Variants in CUX2 observed in about 807,000 individuals in gnomAD.
CUX2 encodes cut like homeobox 2.
CUX2 carries 40 observed loss-of-function variants against 144.8 expected under a neutral mutation model. The observed-to-expected ratio is 0.28, with a 90% CI of 0.21 to 0.36. The LOEUF (loss-of-function observed/expected upper bound fraction) is 0.36, where lower values mean the gene tolerates loss of function less well. Among genes scored for constraint, CUX2 ranks in the 10% least tolerant of loss-of-function variants. The probability of loss-of-function intolerance (pLI) is 1.00; values close to 1 mark genes in which losing one functional copy is unlikely to be tolerated. For missense variants in CUX2, 1,615 were observed against 1,994.0 expected (o/e 0.81, Z 3.62); for synonymous variants, 827 against 875.6 (o/e 0.94, Z 0.98).
At chr12:111,248,638 G>C (rs529932645) in intron 3 of CUX2, among the ~76,000 whole-genome samples, 6 of 152,266 alleles carry the variant, frequency 3.9e-5, no homozygotes, top group East Asian at 3.9e-4. Flanking sequence ...CAGGATAAAG[G>C]GGGTGTCGGT....
In CUX2 at chr12:111,320,575, G is replaced by A; in HGVS notation, c.2566G>A (p.Gly856Ser). ...CAGGACGGGCGAGCTCAAGGCTGAG[G>A]GCGCGACGGCCGAGGCGGGCGCGCG... ...PPRTGELKAEGATAEAGARLP... is the reference protein window; with the variant it reads ...PPRTGELKAESATAEAGARLP... Residue 856 changes from glycine (G) to serine (S), a missense_variant, in exon 17 of 22, where the codon GGC becomes AGC. Physicochemically the swap from Gly to Ser is moderately conservative, Grantham distance 56 (BLOSUM62 0). Around this residue, in one of 12 missense-constraint regions of CUX2, gnomAD observed 390 missense variants for 387.1 expected, o/e 1.01. Coordinates refer to ENST00000261726, the MANE Select transcript of CUX2 (RefSeq NM_015267.4). The surrounding 1 kb of genome is among the most constrained non-coding windows in gnomAD (Gnocchi z 8.1). 6.5e-7 allele frequency: 1 copy of A among 1,528,648 alleles called. No homozygotes were observed. Among genetic ancestry groups the A allele is most frequent in the Middle Eastern group, 1.9e-4 (1 of 5,394 alleles). 94.7% of individuals were successfully genotyped at this position (1,528,648 alleles called of 1,614,324 possible).
chr12:111,245,939 G>C (rs867685094), intron 3 of CUX2, among the ~76,000 whole-genome samples: 20 of 152,124 alleles, frequency 1.3e-4, no homozygotes, highest in African/African-American at 4.3e-4. Flanking sequence ...GGAGGCGTGG[G>C]GACTGGGGCA....
In CUX2 at chr12:111,304,125, C is replaced by A; in HGVS notation, c.754-85C>A. 3 of 1,167,766 alleles carry A rather than the reference C, an allele frequency of 2.6e-6. No homozygotes were observed. The highest frequency in any genetic ancestry group is 3.7e-6 in the Non-Finnish European group (3 of 805,620). 72.3% of individuals were successfully genotyped at this position (1,167,766 alleles called of 1,614,324 possible). A position where few individuals can be genotyped will look rare whatever the true frequency, so the allele number is the denominator to read the frequency against. ...CTGAGGCCCTCGGAGGTCTGCCTCC[C>A]CAACCCCTGCCTGAAACAGTGCAGG... On this transcript the variant is annotated intron_variant, in intron 9 of 21. Coordinates refer to ENST00000261726, the MANE Select transcript of CUX2 (RefSeq NM_015267.4). The surrounding 1 kb of genome is among the most constrained non-coding windows in gnomAD (Gnocchi z 4.7).
rs7312008 is a variant in CUX2 at position 111,116,584 on chromosome 12, G to A, written c.63+82344G>A. Among the ~76,000 whole-genome samples, 701 of 152,268 alleles carry A rather than the reference G, an allele frequency of 4.6e-3. 4 individuals are homozygous for A. The highest frequency in any genetic ancestry group is 0.016 in the African/African-American group (652 of 41,546). On this transcript the variant is annotated intron_variant, in intron 1 of 21. Coordinates refer to ENST00000261726, the MANE Select transcript of CUX2 (RefSeq NM_015267.4). ...AGTGTGATTGTTGGGACAAGTTCCC[G>A]AGGCATATTACAGGATGTTGGTGAT...
chr12:111,173,876 C>T (rs1268134682), intron 1 of CUX2, among the ~76,000 whole-genome samples: 1 of 152,134 alleles, frequency 6.6e-6, no homozygotes, highest in Non-Finnish European at 1.5e-5. Context: ...TCCTGCTGGG[C>T]CAGAGACTTT....
chr12:111,053,186 T>TG (rs940197204), intron 1 of CUX2, among the ~76,000 whole-genome samples: 1 of 152,212 alleles, frequency 6.6e-6, no homozygotes, highest in African/African-American at 2.4e-5. Context: ...CGCCTGTACA[T>TG]GCAGGGCCCA....
At chr12:111,151,370 T>C (rs985313214) in intron 1 of CUX2, among the ~76,000 whole-genome samples, 8 of 152,202 alleles carry the variant, frequency 5.3e-5, no homozygotes, top group African/African-American at 1.9e-4. Flanking sequence ...GAAGGTAATG[T>C]TTTATAATGT....
chr12:111,301,021 A>G (rs1398047001), intron 9 of CUX2, among the ~76,000 whole-genome samples: 1 of 146,496 alleles, frequency 6.8e-6, no homozygotes, highest in Admixed American at 6.8e-5. Context: ...CCTGGACAAC[A>G]GAGTGAGACC....
At chr12:111,229,947 G>A (rs1363630224) in intron 3 of CUX2, among the ~76,000 whole-genome samples, 2 of 151,200 alleles carry the variant, frequency 1.3e-5, no homozygotes, top group African/African-American at 2.4e-5. Context: ...CCAGGAGGTC[G>A]AGGCTGCAGT....
At position 111,348,329 on chromosome 12, in the gene CUX2, C is replaced by G; in HGVS notation, c.*4C>G. ...GGCCCTGGAGTGGGAGTTCTGAAGG[C>G]AGGGTGAGGGGGCAAGGGACATACC... On this transcript the variant is annotated 3_prime_UTR_variant, in exon 22 of 22. Transcript: ENST00000261726. 6.2e-7 allele frequency: 1 copy of G among 1,606,036 alleles called. No homozygotes were observed. Among genetic ancestry groups the G allele is most frequent in the South Asian group, 1.1e-5 (1 of 90,338 alleles).
chr12:111,110,539 T>C (rs182475421), intron 1 of CUX2, among the ~76,000 whole-genome samples: 20 of 152,362 alleles, frequency 1.3e-4, no homozygotes, highest in African/African-American at 4.3e-4. Context: ...TCACATTTCA[T>C]TTTTATATGC....
At position 111,263,618 on chromosome 12, in the gene CUX2, C is replaced by G; in HGVS notation, c.223-143C>G. On this transcript the variant is annotated intron_variant, in intron 3 of 21. Transcript: ENST00000261726. This position sits in a 1 kb window ranked among gnomAD's most constrained non-coding sequence, Gnocchi z 4.0. ...CCAGCCTGGGCGACAGAGCAAGACT[C>G]TCTCTCAAAAACAAAACAAAACAAA... 6.9e-6 allele frequency: 5 copies of G among 722,020 alleles called. No homozygotes were observed. Among genetic ancestry groups the G allele is most frequent in the East Asian group, 2.5e-5 (1 of 39,820 alleles). The allele number at this position is 722,020 out of a possible 1,614,324, so 44.7% of individuals were successfully genotyped here. A position where few individuals can be genotyped will look rare whatever the true frequency, so the allele number is the denominator to read the frequency against.
At chr12:111,241,929 A>G (rs1374125033) in intron 3 of CUX2, among the ~76,000 whole-genome samples, 1 of 152,370 alleles carries the variant, frequency 6.6e-6, no homozygotes, top group East Asian at 1.9e-4. Context: ...TCCTCTTTCA[A>G]TGTACAAGAT....
At chr12:111,094,190 A>G (rs1872692402) in intron 1 of CUX2, among the ~76,000 whole-genome samples, 1 of 152,222 alleles carries the variant, frequency 6.6e-6, no homozygotes, top group South Asian at 2.1e-4. Context: ...AAAACGAGGT[A>G]TTTGAAGCTA....
At chr12:111,268,359 G>A (rs1219543775) in intron 4 of CUX2, among the ~76,000 whole-genome samples, 3 of 152,088 alleles carry the variant, frequency 2.0e-5, no homozygotes, top group African/African-American at 7.2e-5. Context: ...CGAATGGCTG[G>A]GTCTGCAGGT....
At position 111,307,267 on chromosome 12, in the gene CUX2, G is replaced by C; in HGVS notation, c.1109+10G>C. 1 of 1,613,624 alleles carries C rather than the reference G, an allele frequency of 6.2e-7. No individual in the cohort carries two copies. Among genetic ancestry groups the C allele is most frequent in the Non-Finnish European group, 8.5e-7 (1 of 1,179,812 alleles). On this transcript the variant is annotated intron_variant, in intron 12 of 21. Transcript: ENST00000261726. This position sits in a 1 kb window ranked among gnomAD's most constrained non-coding sequence, Gnocchi z 4.1. ...TTAAAACGGAGCTGAGGTACCATGT[G>C]GGGTGGGGCTCCACAGACCCTCAGT...
chr12:111,142,209 A>C (rs138043560), intron 1 of CUX2, among the ~76,000 whole-genome samples: 74 of 152,380 alleles, frequency 4.9e-4, no homozygotes, highest in Middle Eastern at 3.4e-3. Context: ...TCATGCTGAC[A>C]TGAGCCACAT....
At chr12:111,123,110 T>C (rs1312947997) in intron 1 of CUX2, among the ~76,000 whole-genome samples, 1 of 152,192 alleles carries the variant, frequency 6.6e-6, no homozygotes, top group East Asian at 1.9e-4. Context: ...GACCCAGTCC[T>C]GAAGGGACTC....
chr12:111,337,905 C>T (rs1055164626), intron 19 of CUX2, among the ~76,000 whole-genome samples: 30 of 152,030 alleles, frequency 2.0e-4, no homozygotes, highest in Non-Finnish European at 3.5e-4. Context: ...TGTGGTAGTA[C>T]GTGCCTGTAA....
Sources: allele counts gnomAD v4.1 joint callset (sites outside exome capture counted in the v4.1 genomes callset), GRCh38; gene constraint gnomAD v4.1.1; regional missense constraint gnomAD v4.1.1; non-coding constraint Gnocchi (gnomAD v3.1); transcripts MANE v1.5; gene names NCBI Gene and HGNC (gene_info 2026-07-23, HGNC 2026-07-21).